Variants in NGEF observed in about 807,000 individuals in gnomAD.
The protein encoded by NGEF is ephexin-1.
Under a neutral mutation model 80.9 loss-of-function variants are expected in NGEF, and 31 were observed. The observed-to-expected ratio is 0.38, with a 90% CI of 0.29 to 0.52. NGEF has a LOEUF of 0.52. Ranked by LOEUF, NGEF falls within the 20% of genes least tolerant of loss-of-function variation. The pLI, the probability that NGEF is intolerant of heterozygous loss-of-function variation, is 0.84. For missense variants in NGEF, 709 were observed against 926.2 expected, an observed-to-expected ratio of 0.77 and a Z score of 3.04; for synonymous variants, 371 against 370.2, an observed-to-expected ratio of 1.00 and a Z score of -0.03.
At chr2:232,919,085 A>C (rs1248888284) in intron 5 of NGEF, among the ~76,000 whole-genome samples, 1 of 152,132 alleles carries the variant, frequency 6.6e-6, no homozygotes, top group African/African-American at 2.4e-5. Context: ...CCCTTCAAAA[A>C]TCCACTTTTA....
chr2:232,889,801 G>C lies in NGEF; in HGVS notation c.1272+1557C>G, dbSNP rs918093233. Among the ~76,000 whole-genome samples the C allele has an allele frequency of 4.6e-5, 7 of 152,270 alleles. No individual in the cohort carries two copies. In the East Asian group the frequency reaches 1.3e-3, roughly 29 times the overall value. ...ATGCTCCCAAACCCTTTCCTCCTGG[G>C]TCAGGCCTCCTCTCTGTAATTCTGC... On this transcript the variant is annotated intron_variant, in intron 8 of 14. Transcript: ENST00000264051.
chr2:232,879,907 C>A (rs954702778), intron 14 of NGEF, among the ~76,000 whole-genome samples: 1 of 152,196 alleles, frequency 6.6e-6, no homozygotes, highest in African/African-American at 2.4e-5. Context: ...CTGCTCCGTG[C>A]CACGCAGTTC....
intron 5 of NGEF, among the ~76,000 whole-genome samples, chr2:232,916,144 A>G (rs1692797412): frequency 6.6e-6 from 1 of 152,268 alleles, no homozygotes; most frequent in South Asian, 2.1e-4. Context: ...TTTGCTATCA[A>G]AATGGAAAAA....
At chr2:232,923,610 C>CT (rs1692993244) in intron 4 of NGEF, among the ~76,000 whole-genome samples, 1 of 152,154 alleles carries the variant, frequency 6.6e-6, no homozygotes, top group Non-Finnish European at 1.5e-5. Context: ...TAGCAGGTGC[C>CT]TGTAATCCCA....
chr2:232,901,237 T>C (rs1021521327), intron 5 of NGEF: 6 of 380,194 alleles, frequency 1.6e-5, no homozygotes, highest in African/African-American at 2.2e-5. Context: ...CCATGCTGCC[T>C]GGCCGGCCGG....
chr2:232,896,531 GGGGGTGA>G (rs1692067348), intron 5 of NGEF, among the ~76,000 whole-genome samples: 1 of 144,900 alleles, frequency 6.9e-6, no homozygotes, highest in African/African-American at 2.6e-5. Flanking sequence ...GGGTGAGGGT[GGGGGTGA>G]GGGTAGGGGT....
intron 5 of NGEF, among the ~76,000 whole-genome samples, chr2:232,911,316 T>C (rs553557451): frequency 6.6e-6 from 1 of 152,050 alleles, no homozygotes. Context: ...CAATCAACCA[T>C]ACTTGTTGTG....
intron 13 of NGEF, among the ~76,000 whole-genome samples, 195 bp downstream of exon 13, chr2:232,881,991 A>G (rs1298715501): frequency 6.6e-6 from 1 of 152,168 alleles, no homozygotes; most frequent in Non-Finnish European, 1.5e-5. Context: ...TCCAGCATTC[A>G]CACAGTGTGG....
chr2:232,929,289 A>G (rs1347378484), intron 3 of NGEF, among the ~76,000 whole-genome samples: 1 of 152,130 alleles, frequency 6.6e-6, no homozygotes, highest in East Asian at 1.9e-4. Context: ...GTTACTCGTT[A>G]ATTGTTTGGC....
At chr2:232,896,479 C>A (rs1692063548) in intron 5 of NGEF, among the ~76,000 whole-genome samples, 1 of 138,616 alleles carries the variant, frequency 7.2e-6, no homozygotes, top group Non-Finnish European at 1.5e-5. Flanking sequence ...GTTATGGCCA[C>A]AGAGGAGGGG....
At chr2:232,960,943 A>G (rs1693938553) in intron 3 of NGEF, among the ~76,000 whole-genome samples, 1 of 152,182 alleles carries the variant, frequency 6.6e-6, no homozygotes, top group African/African-American at 2.4e-5. Context: ...AAGGTGCTTG[A>G]CATATGTAAG....
At chr2:232,908,514 T>C (rs1328466906) in intron 5 of NGEF, among the ~76,000 whole-genome samples, 1 of 151,848 alleles carries the variant, frequency 6.6e-6, no homozygotes, top group Non-Finnish European at 1.5e-5. Context: ...TTTTAGTGAG[T>C]TTGATTTTTT....
chr2:232,948,943 A>G (rs1023145385), intron 3 of NGEF, among the ~76,000 whole-genome samples: 12 of 152,214 alleles, frequency 7.9e-5, no homozygotes, highest in Non-Finnish European at 1.8e-4. Flanking sequence ...GCTTGAATCC[A>G]GGAGGCAGAG....
intron 4 of NGEF, among the ~76,000 whole-genome samples, chr2:232,923,647 A>G (rs1692995103): frequency 6.6e-6 from 1 of 152,138 alleles, no homozygotes; most frequent in East Asian, 1.9e-4. Context: ...AGGCAGGAGA[A>G]TCACTTGAAC....
chr2:232,909,783 C>T (rs1289455302), intron 5 of NGEF, among the ~76,000 whole-genome samples: 1 of 152,198 alleles, frequency 6.6e-6, no homozygotes. Context: ...GCATCCTTCA[C>T]CCCTGGAAAC....
intron 3 of NGEF, among the ~76,000 whole-genome samples, chr2:232,967,091 G>A (rs899739290): frequency 7.2e-5 from 11 of 152,080 alleles, no homozygotes; most frequent in African/African-American, 2.4e-4. Flanking sequence ...TGGATCATAG[G>A]GGCGGATCCC....
intron 5 of NGEF, among the ~76,000 whole-genome samples, chr2:232,908,753 T>G (rs1692632631): frequency 6.6e-6 from 1 of 151,954 alleles, no homozygotes. Flanking sequence ...GTTTTTTGTT[T>G]TTTTTTTCAT....
At chr2:232,894,356 C>G (rs1200550352) in intron 6 of NGEF, among the ~76,000 whole-genome samples, 2 of 152,232 alleles carry the variant, frequency 1.3e-5, no homozygotes, top group Middle Eastern at 3.2e-3. Context: ...CTGGGGCTTT[C>G]TGCTAGGGTA....
In NGEF at chr2:232,888,019, G is replaced by A. The variant is rs747703521; in HGVS notation, c.1347+14C>T. 1.8e-5 allele frequency: 29 copies of A among 1,608,474 alleles called. No individual in the cohort carries two copies. In the South Asian group the frequency reaches 2.7e-4, roughly 15 times the overall value. On this transcript the variant is annotated intron_variant, in intron 9 of 14. Coordinates refer to ENST00000264051, the MANE Select transcript of NGEF (RefSeq NM_019850.3). ...AGTGCATTGGGATACAGCACAAGAG[G>A]AGGTGAGACTCACCATTTCCAGCTC...
Sources: gnomAD v4.1 joint callset for allele counts (sites outside exome capture counted in the v4.1 genomes callset) on GRCh38, gnomAD v4.1.1 for gene constraint, MANE v1.5 for transcripts, NCBI Gene and HGNC (gene_info 2026-07-23, HGNC 2026-07-21) for gene names.